COMMD10: variants seen among roughly 807,000 people sequenced by gnomAD.
COMMD10 encodes the protein COMM domain-containing protein 10.
COMMD10 carries 33 observed loss-of-function variants against 28.9 expected under a neutral mutation model. That is an observed-to-expected ratio of 1.14 (90% CI 0.87 to 1.53). The LOEUF is 1.53. Ranked by LOEUF, COMMD10 falls within the 40% of genes most tolerant of loss-of-function variation. The pLI is 0.00. For missense variants in COMMD10, 310 were observed against 233.4 expected (o/e 1.33, Z -2.14); for synonymous variants, 110 against 81.7 (o/e 1.35, Z -1.87).
intron 5 of COMMD10, among the ~76,000 whole-genome samples, chr5:116,203,423 C>T (rs961665834): frequency 1.4e-4 from 22 of 151,988 alleles, no homozygotes; most frequent in African/African-American, 2.2e-4. Context: ...AGAGCAACTC[C>T]GAGACACATA....
intron 5 of COMMD10, among the ~76,000 whole-genome samples, chr5:116,228,527 TTTAA>T (rs1314135174): frequency 3.0e-4 from 45 of 152,104 alleles, no homozygotes; most frequent in African/African-American, 9.4e-4. Context: ...GAAAATTTGC[TTTAA>T]TTAATAGTTT....
intron 4 of COMMD10, among the ~76,000 whole-genome samples, chr5:116,108,976 G>A (rs1183748348): frequency 2.0e-5 from 3 of 152,136 alleles, no homozygotes; most frequent in South Asian, 4.2e-4. Flanking sequence ...TGTGCTTCCC[G>A]GGTGAGGCAA....
intron 5 of COMMD10, among the ~76,000 whole-genome samples, chr5:116,215,601 C>A (rs7701783): frequency 0.053 from 8,002 of 150,604 alleles, 299 homozygotes; most frequent in African/African-American, 0.11. Context: ...GCAAGAGAAT[C>A]GCTTGATCCC....
intron 5 of COMMD10, among the ~76,000 whole-genome samples, chr5:116,277,269 C>T (rs923418890): frequency 7.9e-5 from 12 of 151,840 alleles, no homozygotes; most frequent in Non-Finnish European, 1.8e-4. Context: ...AATATATCAA[C>T]TCATTTAAAC....
At chr5:116,255,635 A>G (rs1260763875) in intron 5 of COMMD10, 1 of 151,606 alleles carries the variant, frequency 6.6e-6, no homozygotes, top group Non-Finnish European at 1.5e-5. Context: ...AGGAACAATT[A>G]GTGTTTACAT....
intron 5 of COMMD10, among the ~76,000 whole-genome samples, chr5:116,249,313 C>G (rs895462215): frequency 6.6e-6 from 1 of 151,912 alleles, no homozygotes; most frequent in Non-Finnish European, 1.5e-5. Context: ...TCGAATCTTT[C>G]ATCTGTTGGA....
At position 116,281,399 on chromosome 5, in the gene COMMD10, A is replaced by G. The variant is rs2112708455; in HGVS notation, c.511-10118A>G. 1.3e-5 allele frequency among the ~76,000 whole-genome samples: 2 copies of G among 151,846 alleles called. 1 individual carries two copies. Among genetic ancestry groups the G allele is most frequent in the South Asian group, 4.1e-4 (2 of 4,820 alleles). ...GATTACAAATTAAAAATAAAAAGGA[A>G]TGGGTGGTGAACAAACACATCTTTC... On this transcript the variant is annotated intron_variant, in intron 5 of 6. Transcript: ENST00000274458.
At chr5:116,161,022 G>T (rs10057003) in intron 5 of COMMD10, among the ~76,000 whole-genome samples, 2 of 151,824 alleles carry the variant, frequency 1.3e-5, no homozygotes, top group Non-Finnish European at 2.9e-5. Flanking sequence ...AAATAGTAGG[G>T]CTTTGAAAAA....
At chr5:116,219,130 C>T (rs960091260) in intron 5 of COMMD10, among the ~76,000 whole-genome samples, 1 of 152,090 alleles carries the variant, frequency 6.6e-6, no homozygotes, top group Non-Finnish European at 1.5e-5. Context: ...GAAACCAGCC[C>T]TGCGGACAAC....
intron 5 of COMMD10, among the ~76,000 whole-genome samples, chr5:116,238,915 A>G (rs1396352260): frequency 6.6e-6 from 1 of 152,230 alleles, no homozygotes; most frequent in Admixed American, 6.6e-5. Context: ...GGATGATCCT[A>G]AATTTCTTTG....
At chr5:116,104,509 T>C (rs1453102752) in intron 4 of COMMD10, among the ~76,000 whole-genome samples, 1 of 152,228 alleles carries the variant, frequency 6.6e-6, no homozygotes, top group Admixed American at 6.5e-5. Context: ...TCCTGAGACT[T>C]TGCTGAAGTT....
chr5:116,277,767 GACTT>G (rs1750958943), intron 5 of COMMD10, among the ~76,000 whole-genome samples: 1 of 151,802 alleles, frequency 6.6e-6, no homozygotes, highest in South Asian at 2.1e-4. Context: ...TTTCCTTGAA[GACTT>G]ACGTGACAGC....
At chr5:116,269,302 C>T (rs761795668) in intron 5 of COMMD10, among the ~76,000 whole-genome samples, 4 of 151,728 alleles carry the variant, frequency 2.6e-5, no homozygotes, top group Non-Finnish European at 5.9e-5. Flanking sequence ...TCTCCCAAGC[C>T]TTTAAGGGGA....
intron 5 of COMMD10, among the ~76,000 whole-genome samples, chr5:116,199,088 G>T (rs1748600071): frequency 6.6e-6 from 1 of 152,122 alleles, no homozygotes. Flanking sequence ...ATGAAATGAG[G>T]GTTCTTGTTG....
chr5:116,272,635 A>G (rs1018440943), intron 5 of COMMD10, among the ~76,000 whole-genome samples: 1 of 151,832 alleles, frequency 6.6e-6, no homozygotes, highest in Non-Finnish European at 1.5e-5. Flanking sequence ...TGGTAATGCC[A>G]TATTACATAT....
chr5:116,234,385 A>C (rs1217507138), intron 5 of COMMD10, among the ~76,000 whole-genome samples: 1 of 152,178 alleles, frequency 6.6e-6, no homozygotes, highest in Non-Finnish European at 1.5e-5. Flanking sequence ...AGCAATGAAA[A>C]GAAAAAAATT....
chr5:116,147,649 G>C (rs1459937821), intron 5 of COMMD10, among the ~76,000 whole-genome samples: 1 of 151,738 alleles, frequency 6.6e-6, no homozygotes, highest in African/African-American at 2.4e-5. Flanking sequence ...GACATGTAAT[G>C]GGTGAAGATG....
intron 5 of COMMD10, among the ~76,000 whole-genome samples, chr5:116,245,284 A>G (rs1187367342): frequency 6.6e-6 from 1 of 152,216 alleles, no homozygotes; most frequent in Admixed American, 6.5e-5. Flanking sequence ...TACCCTCCCA[A>G]GAGTGAACCA....
chr5:116,085,293 G>A, intron 1 of COMMD10, 200 bp downstream of exon 1: 2 of 584,350 alleles, frequency 3.4e-6, no homozygotes, highest in Non-Finnish European at 6.0e-6. Context: ...AGTCACGGTG[G>A]TCCACCTGTG....
Sources: allele counts gnomAD v4.1 joint callset (sites outside exome capture counted in the v4.1 genomes callset), GRCh38; gene constraint gnomAD v4.1.1; transcripts MANE v1.5; gene names NCBI Gene and HGNC (gene_info 2026-07-23, HGNC 2026-07-21).